The following ACVR2B variants were observed in gnomAD, a reference collection of about 807,000 sequenced individuals.
ACVR2B encodes the protein activin A receptor type 2B.
Under a neutral mutation model 65.1 loss-of-function variants are expected in ACVR2B, and 18 were observed. The observed-to-expected ratio is 0.28, with a 90% CI of 0.19 to 0.41. The LOEUF is 0.41. Ranked by LOEUF, ACVR2B falls within the 10% of genes least tolerant of loss-of-function variation. The pLI, the probability that ACVR2B is intolerant of heterozygous loss-of-function variation, is 1.00. For missense variants in ACVR2B, 482 were observed against 682.7 expected (o/e 0.71, Z 3.28); for synonymous variants, 298 against 277.7 (o/e 1.07, Z -0.73).
Position 38,477,820 on chromosome 3 carries a change from T to A in ACVR2B, c.261-41T>A. ...AGGGCAGGCCTGGGGGAGTCTTGCA[T>A]CCCCCAGGTGAGGGGTATATGGAAA... On this transcript the variant is annotated intron_variant, in intron 2 of 10. Transcript: ENST00000352511. This position sits in a 1 kb window ranked among gnomAD's most constrained non-coding sequence, Gnocchi z 6.7. The A allele has an allele frequency of 6.3e-7, 1 of 1,597,318 alleles. No homozygotes were observed. The highest frequency in any genetic ancestry group is 1.3e-5 in the African/African-American group (1 of 74,470).
At position 38,492,779 on chromosome 3, in the gene ACVR2B, CA is replaced by C. The variant is rs2059821587; in HGVS notation, c.*9448del. 4.1e-5 allele frequency: 2 copies of C among 48,198 alleles called. No individual in the cohort carries two copies. Among genetic ancestry groups the C allele is most frequent in the Admixed American group, 2.3e-4 (1 of 4,308 alleles). 3.0% of individuals were successfully genotyped at this position (48,198 alleles called of 1,614,324 possible). On this transcript the variant is annotated 3_prime_UTR_variant, in exon 11 of 11. Coordinates refer to ENST00000352511, the MANE Select transcript of ACVR2B (RefSeq NM_001106.4). The stretch of plus-strand genomic sequence containing the variant: ...ACACACACACACACACACACACACA[CA>C]CACACACACACACACACACACACAT...
intron 1 of ACVR2B, among the ~76,000 whole-genome samples, chr3:38,462,089 G>T (rs921715261): frequency 6.6e-6 from 1 of 152,130 alleles, no homozygotes; most frequent in African/African-American, 2.4e-5. Context: ...AGCTACTCAA[G>T]AGGCTGAGGC....
intron 1 of ACVR2B, among the ~76,000 whole-genome samples, chr3:38,461,654 T>C (rs936988913): frequency 6.6e-6 from 1 of 152,132 alleles, no homozygotes; most frequent in Non-Finnish European, 1.5e-5. Context: ...TGGGGTATAG[T>C]TGGGGGAGTA....
intron 1 of ACVR2B, among the ~76,000 whole-genome samples, chr3:38,467,277 ATC>A (rs965501248): frequency 6.6e-6 from 1 of 152,096 alleles, no homozygotes; most frequent in African/African-American, 2.4e-5. Flanking sequence ...GAGAAACCCC[ATC>A]TCTCCTAAAA....
chr3:38,472,237 T>G (rs1338356262), intron 1 of ACVR2B, among the ~76,000 whole-genome samples: 1 of 152,114 alleles, frequency 6.6e-6, no homozygotes, highest in Non-Finnish European at 1.5e-5. Flanking sequence ...AGCTGGGGGC[T>G]GTGGAATCAT....
chr3:38,459,102 G>T (rs1257920584), intron 1 of ACVR2B, among the ~76,000 whole-genome samples: 1 of 152,184 alleles, frequency 6.6e-6, no homozygotes, highest in African/African-American at 2.4e-5. Context: ...TTTCAAAGAG[G>T]TCTACAGTTG....
intron 8 of ACVR2B, 34 bp from the exon 9 acceptor site, chr3:38,482,164 A>G: frequency 1.9e-6 from 3 of 1,613,642 alleles, no homozygotes; most frequent in African/African-American, 1.3e-5. Context: ...ATGGCCAGTC[A>G]CTGTAAATCC....
chr3:38,461,373 A>G (rs1709643750), intron 1 of ACVR2B, among the ~76,000 whole-genome samples: 1 of 152,218 alleles, frequency 6.6e-6, no homozygotes, highest in Admixed American at 6.5e-5. Flanking sequence ...CCCAGGGCTC[A>G]CACAAGAGGT....
Position 38,482,400 on chromosome 3 carries a change from TGATCCTGCCAG to T in ACVR2B, c.1214-28_1214-18del, listed in dbSNP as rs1292863143. ...GATAGGGAGCAGTGGGACCTTAGAG[TGATCCTGCCAG>T]GCTCTCTCTTTCTCCTAGGACCCGT... On this transcript the variant is annotated intron_variant, in intron 9 of 10. Transcript: ENST00000352511. 6.2e-7 allele frequency: 1 copy of T among 1,607,988 alleles called. No homozygotes were observed. Among genetic ancestry groups the T allele is most frequent in the East Asian group, 2.2e-5 (1 of 44,642 alleles).
intron 1 of ACVR2B, chr3:38,459,561 A>C (rs1709606622): frequency 1.0e-6 from 1 of 984,192 alleles, no homozygotes; most frequent in Non-Finnish European, 1.2e-6. Context: ...CTGGGGTTGT[A>C]GCAGGCCGTG....
intron 1 of ACVR2B, chr3:38,473,624 C>T (rs571987300): frequency 6.6e-6 from 1 of 152,364 alleles, no homozygotes; most frequent in African/African-American, 2.4e-5. Context: ...CTCTTGTAGG[C>T]ATGGTGTGAC....
chr3:38,460,175 T>A (rs1179827315), intron 1 of ACVR2B, among the ~76,000 whole-genome samples: 2 of 152,178 alleles, frequency 1.3e-5, no homozygotes, highest in African/African-American at 4.8e-5. Flanking sequence ...TTCTCAGAAT[T>A]CTTTCTCTTC....
intron 1 of ACVR2B, among the ~76,000 whole-genome samples, chr3:38,461,659 G>A (rs1055429542): frequency 4.6e-5 from 7 of 151,786 alleles, no homozygotes; most frequent in Non-Finnish European, 7.4e-5. Flanking sequence ...TATAGTTGGG[G>A]GAGTAGAAGT....
In ACVR2B at chr3:38,478,211, G is replaced by A. The variant is rs1709947545; in HGVS notation, c.441G>A (p.Gly147=). The part of the protein sequence containing the change: ...TVLAYSLLPI[G]GLSLIVLLAF... The stretch of plus-strand genomic sequence containing the variant: ...TGGCCTACTCACTGCTGCCCATCGG[G>A]GGCCTTTCCCTCATCGTCCTGCTGG... Residue 147 remains glycine (G), a synonymous_variant, in exon 4 of 11, where the codon GGG becomes GGA. Coordinates refer to ENST00000352511, the MANE Select transcript of ACVR2B (RefSeq NM_001106.4). 6.2e-7 allele frequency: 1 copy of A among 1,613,950 alleles called. No homozygotes were observed. Among genetic ancestry groups the A allele is most frequent in the South Asian group, 1.1e-5 (1 of 91,074 alleles).
At position 38,490,441 on chromosome 3, in the gene ACVR2B, C is replaced by G. The variant is rs1414449735; in HGVS notation, c.*7109C>G. Reference sequence around the variant, plus strand: ...TGGAATAAATTTAGTTCCAGCAGATCTAGTAGCACTCCAGAAACCAACCCC... The same window carrying G: ...TGGAATAAATTTAGTTCCAGCAGATGTAGTAGCACTCCAGAAACCAACCCC... On this transcript the variant is annotated 3_prime_UTR_variant, in exon 11 of 11. Coordinates refer to ENST00000352511, the MANE Select transcript of ACVR2B (RefSeq NM_001106.4). The G allele has an allele frequency of 1.3e-5, 2 of 152,578 alleles. No homozygotes were observed. The highest frequency in any genetic ancestry group is 4.8e-5 in the African/African-American group (2 of 41,420). The allele number at this position is 152,578 out of a possible 1,614,324, so 9.5% of individuals were successfully genotyped here. A position where few individuals can be genotyped will look rare whatever the true frequency, so the allele number is the denominator to read the frequency against.
intron 1 of ACVR2B, among the ~76,000 whole-genome samples, chr3:38,466,706 T>C (rs921534952): frequency 1.6e-4 from 25 of 152,164 alleles, no homozygotes; most frequent in African/African-American, 6.0e-4. Context: ...AGTTTCACCA[T>C]GTTGGTCAGG....
Position 38,486,280 on chromosome 3 carries a change from A to C in ACVR2B, c.*2948A>C, listed in dbSNP as rs1285702756. On this transcript the variant is annotated 3_prime_UTR_variant, in exon 11 of 11. Transcript: ENST00000352511. ...GGTCCATGCCAGTTCTTTGGGCTTC[A>C]GGCCACTCTTCCCCTCATGCTGTGG... The C allele has an allele frequency of 6.6e-6, 1 of 152,288 alleles. No homozygotes were observed. The highest frequency in any genetic ancestry group is 1.9e-4 in the East Asian group (1 of 5,172). The allele number at this position is 152,288 out of a possible 1,614,324, so 9.4% of individuals were successfully genotyped here. A position where few individuals can be genotyped will look rare whatever the true frequency, so the allele number is the denominator to read the frequency against.
intron 1 of ACVR2B, among the ~76,000 whole-genome samples, chr3:38,461,170 G>A (rs983950042): frequency 2.0e-5 from 3 of 152,194 alleles, no homozygotes; most frequent in African/African-American, 7.2e-5. Flanking sequence ...GCCTTTTAAT[G>A]AATGTCCAGT....
At position 38,479,816 on chromosome 3, in the gene ACVR2B, A is replaced by G. The variant is rs1709985955; in HGVS notation, c.949A>G (p.Ile317Val). Residue 317 changes from isoleucine (I) to valine (V), a missense_variant, in exon 7 of 11, where the codon ATT (isoleucine) becomes GTT (valine). By Grantham distance (29) the Ile-to-Val change is conservative. Transcript: ENST00000352511. ...WCRGEGHKPSIAHRDFKSKNV... is the reference protein window; with the variant it reads ...WCRGEGHKPSVAHRDFKSKNV... ...CCGTGGCGAGGGCCACAAGCCGTCT[A>G]TTGCCCACAGGTACCTGGGTCAGCA... The G allele has an allele frequency of 2.5e-6, 4 of 1,613,992 alleles. No homozygotes were observed. Among genetic ancestry groups the G allele is most frequent in the African/African-American group, 1.3e-5 (1 of 74,940 alleles).
Sources: gnomAD v4.1 joint callset for allele counts (sites outside exome capture counted in the v4.1 genomes callset) on GRCh38, gnomAD v4.1.1 for gene constraint, Gnocchi (gnomAD v3.1) non-coding constraint, MANE v1.5 for transcripts, NCBI Gene and HGNC (gene_info 2026-07-23, HGNC 2026-07-21) for gene names.